SAE1: variants seen among roughly 807,000 people sequenced by gnomAD.
The protein encoded by SAE1 is SUMO1 activating enzyme subunit 1.
A neutral mutation model predicts 40.6 loss-of-function variants in SAE1; 11 were observed. The ratio of observed to expected loss-of-function variants is 0.27; its 90% confidence interval spans 0.17 to 0.45. The LOEUF (loss-of-function observed/expected upper bound fraction) is 0.45, where lower values mean the gene tolerates loss of function less well. Among genes scored for constraint, SAE1 ranks in the 20% least tolerant of loss-of-function variants. SAE1 has a pLI of 1.00. For missense variants in SAE1, 373 were observed against 427.3 expected, an observed-to-expected ratio of 0.87 and a Z score of 1.12; for synonymous variants, 155 against 154.3, an observed-to-expected ratio of 1.00 and a Z score of -0.03.
At chr19:47,194,329 G>T (rs1459614448) in intron 6 of SAE1, among the ~76,000 whole-genome samples, 1 of 152,078 alleles carries the variant, frequency 6.6e-6, no homozygotes, top group African/African-American at 2.4e-5. Flanking sequence ...TTCAGTCTGG[G>T]GTGGGTACCA....
At chr19:47,141,405 G>C (rs1416672097) in intron 1 of SAE1, among the ~76,000 whole-genome samples, 1 of 152,166 alleles carries the variant, frequency 6.6e-6, no homozygotes, top group Middle Eastern at 3.2e-3. Context: ...GCCTCCCAAA[G>C]TGCTGGGATT....
At chr19:47,174,123 AAC>A (rs1224973167) in intron 6 of SAE1, among the ~76,000 whole-genome samples, 1 of 151,990 alleles carries the variant, frequency 6.6e-6, no homozygotes, top group Non-Finnish European at 1.5e-5. Flanking sequence ...GTATTATGGC[AAC>A]AGTCTCATGA....
At position 47,154,297 on chromosome 19, in the gene SAE1, G is replaced by T. The variant is rs12232824; in HGVS notation, c.528-817G>T. On this transcript the variant is annotated intron_variant, in intron 4 of 8. Transcript: ENST00000270225. ...GCAGAGACGGGGTTTCACTATGTTG[G>T]CTATGCTGGTCTTGAACTCCTGACC... 5.0e-4 allele frequency among the ~76,000 whole-genome samples: 75 copies of T among 151,026 alleles called. 1 individual carries two copies. The East Asian group carries it at 0.012, about 25-fold the overall frequency.
rs566831440 is a variant in SAE1 at position 47,203,752 on chromosome 19, C to T, written c.948+12C>T. 1 of 1,610,742 alleles carries T rather than the reference C, an allele frequency of 6.2e-7. No individual in the cohort carries two copies. Among genetic ancestry groups the T allele is most frequent in the Non-Finnish European group, 8.5e-7 (1 of 1,177,000 alleles). On this transcript the variant is annotated intron_variant, in intron 8 of 8. Coordinates refer to ENST00000270225, the MANE Select transcript of SAE1 (RefSeq NM_005500.3). Reference sequence around the variant, plus strand: ...AGGAAATTGTGAAGGTAAAACATCACTGTGGAGCAGAAAATTGTTAACCAT... The same window carrying T: ...AGGAAATTGTGAAGGTAAAACATCATTGTGGAGCAGAAAATTGTTAACCAT...
At chr19:47,196,040 G>A (rs1433924071) in intron 6 of SAE1, among the ~76,000 whole-genome samples, 6 of 147,910 alleles carry the variant, frequency 4.1e-5, no homozygotes, top group Non-Finnish European at 8.9e-5. Flanking sequence ...TGCCTCTTCC[G>A]GGTCTTTTTT....
chr19:47,202,450 G>A (rs2058660742), intron 7 of SAE1, among the ~76,000 whole-genome samples: 1 of 151,710 alleles, frequency 6.6e-6, no homozygotes, highest in Non-Finnish European at 1.5e-5. Flanking sequence ...ACCACACCAA[G>A]CTAATTTTTG....
At chr19:47,171,654 T>G (rs1343968270) in intron 6 of SAE1, among the ~76,000 whole-genome samples, 1 of 152,194 alleles carries the variant, frequency 6.6e-6, no homozygotes, top group Non-Finnish European at 1.5e-5. Context: ...ATTTTTTTTG[T>G]ATTTTCACCA....
intron 5 of SAE1, among the ~76,000 whole-genome samples, chr19:47,165,290 A>G (rs1055205843): frequency 1.3e-5 from 2 of 150,730 alleles, no homozygotes; most frequent in South Asian, 2.1e-4. Flanking sequence ...GGGTTTCACC[A>G]TGTTGGCCAG....
At chr19:47,162,112 C>T (rs1048827399) in intron 5 of SAE1, among the ~76,000 whole-genome samples, 1 of 152,244 alleles carries the variant, frequency 6.6e-6, no homozygotes, top group Non-Finnish European at 1.5e-5. Context: ...TCTGTTCCAT[C>T]ATCACAGCTA....
chr19:47,195,755 T>G (rs1487647718), intron 6 of SAE1, among the ~76,000 whole-genome samples: 3 of 98,504 alleles, frequency 3.0e-5, no homozygotes, highest in Non-Finnish European at 6.3e-5. Flanking sequence ...TTTTTTTTTT[T>G]GACAGGGTCT....
In SAE1 at chr19:47,199,884, CTGA is replaced by C. The variant is rs1229504239; in HGVS notation, c.878+2510_878+2512del. 2.2e-4 allele frequency among the ~76,000 whole-genome samples: 33 copies of C among 151,946 alleles called. No homozygotes were observed. In the East Asian group the frequency reaches 6.0e-3, roughly 28 times the overall value. On this transcript the variant is annotated intron_variant, in intron 7 of 8. Coordinates refer to ENST00000270225, the MANE Select transcript of SAE1 (RefSeq NM_005500.3). Reference sequence around the variant, plus strand: ...GTCATCAGCCGCTGACCTCACGGTGCTGATGTTACAAAGGCACCTTGTAAACTG... The same window carrying C: ...GTCATCAGCCGCTGACCTCACGGTGCTGTTACAAAGGCACCTTGTAAACTG...
rs376432419 is a variant in SAE1 at position 47,150,378 on chromosome 19, A to G, written c.384+3A>G. On this transcript the variant is annotated splice_donor_region_variant and intron_variant, in intron 3 of 8. Transcript: ENST00000270225. ...CATTTTTCACTCAATTCGATGCTGT[A>G]AGTTTCTTATTATAAAATCTGCTGT... 1.0e-5 allele frequency: 16 copies of G among 1,594,972 alleles called. No individual in the cohort carries two copies. Among genetic ancestry groups the G allele is most frequent in the South Asian group, 3.4e-5 (3 of 88,320 alleles).
intron 8 of SAE1, among the ~76,000 whole-genome samples, chr19:47,207,522 C>G (rs928125694): frequency 6.6e-6 from 1 of 152,096 alleles, no homozygotes; most frequent in African/African-American, 2.4e-5. Context: ...GGTTAAGGAC[C>G]TGTTTGAAAA....
At chr19:47,200,755 A>G (rs1277768556) in intron 7 of SAE1, among the ~76,000 whole-genome samples, 2 of 152,184 alleles carry the variant, frequency 1.3e-5, no homozygotes, top group Non-Finnish European at 2.9e-5. Context: ...TTACTCATTT[A>G]TATATTATCT....
In SAE1 at chr19:47,144,108, C is replaced by T. The variant is rs879814032; in HGVS notation, c.210+503C>T. On this transcript the variant is annotated intron_variant, in intron 2 of 8. Coordinates refer to ENST00000270225, the MANE Select transcript of SAE1 (RefSeq NM_005500.3). ...CAACACTTTGGAAGGCTGAGGCAGG[C>T]GGATCATCTGAGGTCAGGAGTTTGA... Among the ~76,000 whole-genome samples the T allele has an allele frequency of 1.6e-4, 24 of 152,050 alleles. 1 individual carries two copies. The South Asian group carries it at 2.9e-3, about 18-fold the overall frequency.
intron 6 of SAE1, among the ~76,000 whole-genome samples, chr19:47,187,631 C>G (rs972790346): frequency 1.3e-5 from 2 of 152,136 alleles, no homozygotes; most frequent in Non-Finnish European, 2.9e-5. Flanking sequence ...AAGCAATTCT[C>G]GTACCTCAGC....
At chr19:47,163,000 ATTT>A (rs1219151049) in intron 5 of SAE1, among the ~76,000 whole-genome samples, 3 of 151,764 alleles carry the variant, frequency 2.0e-5, no homozygotes, top group Non-Finnish European at 4.4e-5. Context: ...TCAAAAAAAA[ATTT>A]TTTTTTAAGT....
At chr19:47,171,207 T>A (rs2058429633) in intron 6 of SAE1, among the ~76,000 whole-genome samples, 1 of 152,070 alleles carries the variant, frequency 6.6e-6, no homozygotes, top group Non-Finnish European at 1.5e-5. Flanking sequence ...TCTCTTGACC[T>A]CGTGATCCGC....
chr19:47,201,611 A>G (rs951475926), intron 7 of SAE1, among the ~76,000 whole-genome samples: 19 of 151,074 alleles, frequency 1.3e-4, no homozygotes, highest in Non-Finnish European at 1.8e-4. Context: ...TACGGCCAAA[A>G]TGAGATTCTA....
Sources: allele counts gnomAD v4.1 joint callset (sites outside exome capture counted in the v4.1 genomes callset), GRCh38; gene constraint gnomAD v4.1.1; transcripts MANE v1.5; gene names NCBI Gene and HGNC (gene_info 2026-07-23, HGNC 2026-07-21).